Variants in PMM2 observed in about 807,000 individuals in gnomAD.
The protein encoded by PMM2 is phosphomannomutase 2.
In PMM2, 35 loss-of-function variants were observed where a neutral mutation model predicts 33.2. The ratio of observed to expected loss-of-function variants is 1.06; its 90% confidence interval spans 0.81 to 1.40. PMM2 has a LOEUF of 1.40. PMM2 is among the 40% of genes most tolerant of loss of function. The pLI is 0.00. For missense variants in PMM2, 386 were observed against 306.0 expected, an observed-to-expected ratio of 1.26 and a Z score of -1.95; for synonymous variants, 153 against 114.7, an observed-to-expected ratio of 1.33 and a Z score of -2.13.
chr16:8,802,486 G>A (rs374456977), intron 2 of PMM2: 1 of 330,334 alleles, frequency 3.0e-6, no homozygotes, highest in Non-Finnish European at 6.0e-6. Flanking sequence ...AAGAGCAGGA[G>A]TATGGGTTAT....
intron 7 of PMM2, among the ~76,000 whole-genome samples, chr16:8,821,368 C>A (rs887387838): frequency 6.6e-6 from 1 of 152,184 alleles, no homozygotes; most frequent in Admixed American, 6.5e-5. Context: ...CCACCTTCCT[C>A]CTGAGTGCCA....
At position 8,811,165 on chromosome 16, in the gene PMM2, AC is replaced by A; in HGVS notation, c.435del (p.Tyr145Ter). ...AGCCAAGAAGAACGCATTGAGTTCTACGAACTCGATAAAGTACGTCTTTCTG... is the reference window on the plus strand; with the variant it reads ...AGCCAAGAAGAACGCATTGAGTTCTAGAACTCGATAAAGTACGTCTTTCTG... ...SCSQEERIEF[Y>X]ELDKKENIRQ... On this transcript the variant is annotated frameshift_variant, in exon 5 of 8. Coordinates refer to ENST00000268261, the MANE Select transcript of PMM2 (RefSeq NM_000303.3). LOFTEE classifies it high-confidence loss of function. 2 of 1,557,202 alleles carry A rather than the reference AC, an allele frequency of 1.3e-6. No individual in the cohort carries two copies. Among genetic ancestry groups the A allele is most frequent in the Non-Finnish European group, 1.8e-6 (2 of 1,142,614 alleles).
intron 7 of PMM2, chr16:8,832,965 C>CCCCGGCCACACCACAGGCT (rs76488579): frequency 1.0e-5 from 10 of 963,686 alleles, no homozygotes; most frequent in African/African-American, 1.8e-5. Context: ...TGACTGGTCT[C>CCCCGGCCACACCACAGGCT]CCCAGGGCAG....
rs780441704 is a variant in PMM2, at chr16:8,847,801, G to T, written c.717G>T (p.Arg239Ser). ...TGACAGCGCCTGAGGACACGCGCAGGATCTGTGAACTGCTGTTCTCCTAAC... is the reference window on the plus strand; with the variant it reads ...TGACAGCGCCTGAGGACACGCGCAGTATCTGTGAACTGCTGTTCTCCTAAC... ...YSVTAPEDTR[R>S]ICELLFS The change falls in exon 8 of 8, where the codon AGG becomes AGT. Residue 239 changes from arginine to serine, a missense_variant. By Grantham distance (110) the Arg-to-Ser change is moderately radical (BLOSUM62 -1). Coordinates refer to ENST00000268261, the MANE Select transcript of PMM2 (RefSeq NM_000303.3). 61 of 1,613,522 alleles carry T rather than the reference G, an allele frequency of 3.8e-5. No homozygotes were observed. The highest frequency in any genetic ancestry group is 2.3e-4 in the Admixed American group (14 of 60,006).
intron 7 of PMM2, chr16:8,832,271 C>T (rs914427584): frequency 2.2e-5 from 22 of 985,316 alleles, no homozygotes; most frequent in African/African-American, 1.2e-4. Context: ...TGCAGATGCT[C>T]CTGCGAGCCG....
chr16:8,827,983 T>C (rs1191499215), intron 7 of PMM2, among the ~76,000 whole-genome samples: 1 of 132,020 alleles, frequency 7.6e-6, no homozygotes, highest in Non-Finnish European at 1.6e-5. Context: ...ATATAAAACT[T>C]GGATATCCAT....
At chr16:8,835,111 C>T (rs981505518) in intron 7 of PMM2, among the ~76,000 whole-genome samples, 26 of 147,996 alleles carry the variant, frequency 1.8e-4, no homozygotes, top group Admixed American at 8.7e-4. Flanking sequence ...CAGCGGCAGC[C>T]GCTGCACGCA....
At chr16:8,835,500 G>C (rs1169569899) in intron 7 of PMM2, among the ~76,000 whole-genome samples, 2 of 152,020 alleles carry the variant, frequency 1.3e-5, no homozygotes. Context: ...GAATAGTAAA[G>C]AAAGCATGTT....
intron 6 of PMM2, among the ~76,000 whole-genome samples, chr16:8,812,498 A>T (rs1324182381): frequency 1.3e-5 from 2 of 152,196 alleles, no homozygotes; most frequent in Non-Finnish European, 2.9e-5. Flanking sequence ...GAACTGTGAG[A>T]TGGACATCTT....
intron 2 of PMM2, among the ~76,000 whole-genome samples, chr16:8,804,477 G>A (rs1189864636): frequency 1.3e-5 from 2 of 152,078 alleles, no homozygotes; most frequent in Non-Finnish European, 2.9e-5. Flanking sequence ...CATCATGGAC[G>A]AGTATCTTCC....
At chr16:8,812,669 T>A (rs2060684073) in intron 6 of PMM2, among the ~76,000 whole-genome samples, 1 of 152,220 alleles carries the variant, frequency 6.6e-6, no homozygotes, top group African/African-American at 2.4e-5. Context: ...CACAGCAGAA[T>A]GAGGCTGGTA....
chr16:8,802,461 G>A lies in PMM2; in HGVS notation c.178+551G>A, dbSNP rs570436959. On this transcript the variant is annotated intron_variant, in intron 2 of 7. Transcript: ENST00000268261. Reference sequence around the variant, plus strand: ...ATTCTGTAATTATTGTAAACTATCCGATTATATGTTTTTGAAGAGCAGGAG... The same window carrying A: ...ATTCTGTAATTATTGTAAACTATCCAATTATATGTTTTTGAAGAGCAGGAG... 20 of 349,396 alleles carry A rather than the reference G, an allele frequency of 5.7e-5. 1 individual carries two copies. The highest frequency in any genetic ancestry group is 4.0e-4 in the South Asian group (18 of 45,258). The allele number at this position is 349,396 out of a possible 1,614,324, so 21.6% of individuals were successfully genotyped here. A position where few individuals can be genotyped will look rare whatever the true frequency, so the allele number is the denominator to read the frequency against.
intron 7 of PMM2, among the ~76,000 whole-genome samples, chr16:8,836,739 G>C (rs949854826): frequency 1.3e-5 from 2 of 152,040 alleles, no homozygotes; most frequent in Non-Finnish European, 1.5e-5. Flanking sequence ...GAATAAGACG[G>C]CCTTTTGACC....
intron 7 of PMM2, among the ~76,000 whole-genome samples, chr16:8,831,548 A>G (rs1407447413): frequency 6.6e-6 from 1 of 152,176 alleles, no homozygotes; most frequent in Non-Finnish European, 1.5e-5. Context: ...AATAAATAAG[A>G]GTCCCGACCA....
At chr16:8,812,805 G>GA (rs2060684783) in intron 6 of PMM2, among the ~76,000 whole-genome samples, 186 bp from the exon 7 acceptor site, 1 of 152,060 alleles carries the variant, frequency 6.6e-6, no homozygotes, top group East Asian at 1.9e-4. Flanking sequence ...AATAATGCTG[G>GA]AAAAAAACAA....
rs1216946638 is a variant in PMM2, at chr16:8,841,384, T to C, written c.640-6340T>C. Reference sequence around the variant, plus strand: ...CTACTTATCTAGTGAAAGTGTCTACTTAGACTAAGAGGTATTTTAGTTATC... The same window carrying C: ...CTACTTATCTAGTGAAAGTGTCTACCTAGACTAAGAGGTATTTTAGTTATC... On this transcript the variant is annotated intron_variant, in intron 7 of 7. Coordinates refer to ENST00000268261, the MANE Select transcript of PMM2 (RefSeq NM_000303.3). 4.0e-5 allele frequency among the ~76,000 whole-genome samples: 6 copies of C among 150,878 alleles called. No homozygotes were observed. In the East Asian group the frequency reaches 8.0e-4, roughly 20 times the overall value.
intron 7 of PMM2, among the ~76,000 whole-genome samples, chr16:8,838,705 A>G (rs1251337998): frequency 6.6e-6 from 1 of 151,996 alleles, no homozygotes; most frequent in African/African-American, 2.4e-5. Context: ...CAAATAAAAG[A>G]AGGAGAAAAA....
intron 7 of PMM2, among the ~76,000 whole-genome samples, chr16:8,825,940 G>C (rs1306559839): frequency 2.0e-5 from 3 of 151,950 alleles, no homozygotes; most frequent in Non-Finnish European, 2.9e-5. Flanking sequence ...ATTTTTAGTA[G>C]AGACAGGATT....
chr16:8,819,319 T>A (rs1266377710), intron 7 of PMM2, among the ~76,000 whole-genome samples: 1 of 152,168 alleles, frequency 6.6e-6, no homozygotes, highest in East Asian at 1.9e-4. Flanking sequence ...TGCAGGACAA[T>A]ATAAGTAATG....
Sources: gnomAD v4.1 joint callset for allele counts (sites outside exome capture counted in the v4.1 genomes callset) on GRCh38, gnomAD v4.1.1 for gene constraint, MANE v1.5 for transcripts, NCBI Gene and HGNC (gene_info 2026-07-23, HGNC 2026-07-21) for gene names.